Variants in RAB10 observed in about 807,000 individuals in gnomAD.
The protein encoded by RAB10 is ras-related protein Rab-10.
RAB10 carries 5 observed loss-of-function variants against 25.7 expected under a neutral mutation model. The ratio of observed to expected loss-of-function variants is 0.19; its 90% confidence interval spans 0.10 to 0.41. The LOEUF is 0.41. Ranked by LOEUF, RAB10 falls within the 10% of genes least tolerant of loss-of-function variation. RAB10 has a pLI of 1.00. For synonymous variants in RAB10, 89 were observed against 86.4 expected (o/e 1.03, Z -0.16); for missense variants, 103 against 245.8 (o/e 0.42, Z 3.89).
At position 26,130,937 on chromosome 2, in the gene RAB10, C is replaced by T. The variant is rs544592035; in HGVS notation, c.519+2986C>T. Among the ~76,000 whole-genome samples the T allele has an allele frequency of 4.1e-4, 63 of 151,808 alleles. 2 individuals are homozygous for T. The South Asian group carries it at 0.012, about 30-fold the overall frequency. ...AAGACCTAGTGAAACGCTCTTGTCT[C>T]TGTGTCCTTTCTCTTTCTGGGCTTT... On this transcript the variant is annotated intron_variant, in intron 5 of 5. Transcript: ENST00000264710.
chr2:26,057,682 A>G (rs1276287861), intron 1 of RAB10, among the ~76,000 whole-genome samples: 2 of 144,220 alleles, frequency 1.4e-5, no homozygotes, highest in Non-Finnish European at 3.1e-5. Context: ...GAGTGCAGTG[A>G]CGCGATCGCT....
chr2:26,126,061 A>G (rs185216135), intron 3 of RAB10, among the ~76,000 whole-genome samples: 1 of 152,232 alleles, frequency 6.6e-6, no homozygotes, highest in East Asian at 1.9e-4. Flanking sequence ...ATCCAGCTTC[A>G]TTGTTTTGCA....
At chr2:26,037,108 G>A (rs992483480) in intron 1 of RAB10, among the ~76,000 whole-genome samples, 42 of 152,274 alleles carry the variant, frequency 2.8e-4, no homozygotes, top group African/African-American at 9.9e-4. Flanking sequence ...CTTAGGAACA[G>A]TGTGGAGTAG....
At chr2:26,068,610 C>T (rs1435099952) in intron 1 of RAB10, among the ~76,000 whole-genome samples, 2 of 152,184 alleles carry the variant, frequency 1.3e-5, no homozygotes, top group Non-Finnish European at 2.9e-5. Flanking sequence ...AGCCAAGAGA[C>T]AGAGTTCTGA....
intron 1 of RAB10, among the ~76,000 whole-genome samples, chr2:26,084,973 G>A (rs567854053): frequency 1.3e-5 from 2 of 152,270 alleles, no homozygotes; most frequent in Non-Finnish European, 2.9e-5. Context: ...AGAAATGCTT[G>A]TATTATCCCC....
chr2:26,108,597 T>C (rs1329186653), intron 2 of RAB10, among the ~76,000 whole-genome samples: 1 of 139,984 alleles, frequency 7.1e-6, no homozygotes, highest in African/African-American at 2.8e-5. Context: ...TATACACACA[T>C]ACACAAATAA....
At position 26,034,506 on chromosome 2, in the gene RAB10, C is replaced by G. The variant is rs1559573997; in HGVS notation, c.-103C>G. The G allele has an allele frequency of 7.3e-6, 11 of 1,504,590 alleles. 1 individual carries two copies. Among genetic ancestry groups the G allele is most frequent in the Admixed American group, 6.2e-5 (3 of 48,494 alleles). The allele number at this position is 1,504,590 out of a possible 1,614,324, so 93.2% of individuals were successfully genotyped here. On this transcript the variant is annotated 5_prime_UTR_variant, in exon 1 of 6. Transcript: ENST00000264710. Reference sequence around the variant, plus strand: ...GTCTCGAGCCTTTTTCCCACGCTTCCCCGGTCCTCCGGCCTGAGAACGCCC... The same window carrying G: ...GTCTCGAGCCTTTTTCCCACGCTTCGCCGGTCCTCCGGCCTGAGAACGCCC...
chr2:26,127,379 T>C (rs1163073852), intron 4 of RAB10, 146 bp downstream of exon 4: 10 of 654,128 alleles, frequency 1.5e-5, no homozygotes, highest in Non-Finnish European at 1.5e-5. Flanking sequence ...TTTTATCATT[T>C]GAGTGAATTT....
chr2:26,104,199 A>G (rs1046794296), intron 2 of RAB10, among the ~76,000 whole-genome samples: 15 of 152,196 alleles, frequency 9.9e-5, no homozygotes, highest in African/African-American at 3.4e-4. Flanking sequence ...ATTGTCACCA[A>G]CAGGGTATAA....
At chr2:26,061,944 C>T (rs1273286310) in intron 1 of RAB10, among the ~76,000 whole-genome samples, 2 of 152,180 alleles carry the variant, frequency 1.3e-5, no homozygotes, top group East Asian at 1.9e-4. Context: ...GGCTAAACAT[C>T]ATATGCTTTT....
At chr2:26,076,682 G>A (rs1005138940) in intron 1 of RAB10, among the ~76,000 whole-genome samples, 6 of 152,234 alleles carry the variant, frequency 3.9e-5, no homozygotes, top group Middle Eastern at 3.4e-3. Context: ...GGTGGCTCAC[G>A]CCTGTAATCC....
chr2:26,132,998 C>G (rs1054590339), intron 5 of RAB10, among the ~76,000 whole-genome samples: 1 of 151,992 alleles, frequency 6.6e-6, no homozygotes, highest in African/African-American at 2.4e-5. Context: ...GTCACTTGTA[C>G]TGGAAACCCC....
At chr2:26,091,313 A>G (rs918221270) in intron 1 of RAB10, among the ~76,000 whole-genome samples, 2 of 152,154 alleles carry the variant, frequency 1.3e-5, no homozygotes, top group East Asian at 1.9e-4. Flanking sequence ...TTAATAGACA[A>G]TGGGTGGGAA....
intron 1 of RAB10, among the ~76,000 whole-genome samples, chr2:26,088,579 G>T (rs1211380483): frequency 6.6e-6 from 1 of 151,978 alleles, no homozygotes; most frequent in Non-Finnish European, 1.5e-5. Context: ...AATTTTATAA[G>T]CTTTTCCACC....
intron 3 of RAB10, among the ~76,000 whole-genome samples, chr2:26,125,809 T>G (rs1373179645): frequency 6.6e-6 from 1 of 152,152 alleles, no homozygotes; most frequent in Non-Finnish European, 1.5e-5. Context: ...TATTTCCTCC[T>G]TTTTGTGGGT....
At chr2:26,088,070 A>G (rs1263003697) in intron 1 of RAB10, among the ~76,000 whole-genome samples, 1 of 152,218 alleles carries the variant, frequency 6.6e-6, no homozygotes, top group Non-Finnish European at 1.5e-5. Flanking sequence ...GTAGGTGGAA[A>G]ACACTTGATT....
chr2:26,127,114 A>G (rs1490438766), intron 3 of RAB10, 30 bp from the exon 4 acceptor site: 1 of 1,491,084 alleles, frequency 6.7e-7, no homozygotes, highest in African/African-American at 1.4e-5. Flanking sequence ...TCATGGTAGT[A>G]TGTAAAAGTA....
chr2:26,041,853 G>A (rs528450044), intron 1 of RAB10, among the ~76,000 whole-genome samples: 23 of 152,234 alleles, frequency 1.5e-4, no homozygotes, highest in Admixed American at 9.8e-4. Flanking sequence ...GCGGTGAGCC[G>A]AGATCGTGCC....
At chr2:26,060,459 A>AT (rs1276215538) in intron 1 of RAB10, among the ~76,000 whole-genome samples, 1 of 151,848 alleles carries the variant, frequency 6.6e-6, no homozygotes, top group Non-Finnish European at 1.5e-5. Context: ...CATCTGGCTA[A>AT]TTTTTTGTAT....
Sources: allele counts gnomAD v4.1 joint callset (sites outside exome capture counted in the v4.1 genomes callset), GRCh38; gene constraint gnomAD v4.1.1; transcripts MANE v1.5; gene names NCBI Gene and HGNC (gene_info 2026-07-23, HGNC 2026-07-21).